Variants in SH3GL2 observed in about 807,000 individuals in gnomAD.
The protein encoded by SH3GL2 is SH3 domain containing GRB2 like 2, endophilin A1.
SH3GL2 carries 24 observed loss-of-function variants against 46.0 expected under a neutral mutation model. The ratio of observed to expected loss-of-function variants is 0.52; its 90% confidence interval spans 0.38 to 0.73. The LOEUF is 0.73. Ranked by LOEUF, SH3GL2 falls within the 30% of genes least tolerant of loss-of-function variation. SH3GL2 has a pLI of 0.00. For synonymous variants in SH3GL2, 196 were observed against 147.1 expected, an observed-to-expected ratio of 1.33 and a Z score of -2.40; for missense variants, 413 against 424.2, an observed-to-expected ratio of 0.97 and a Z score of 0.23.
intron 1 of SH3GL2, among the ~76,000 whole-genome samples, chr9:17,651,150 TA>T (rs1367467966): frequency 1.3e-5 from 2 of 152,208 alleles, no homozygotes; most frequent in Non-Finnish European, 2.9e-5. Flanking sequence ...TCTGGCAGGG[TA>T]AACTTTCAGC....
chr9:17,670,359 G>T (rs1199256034), intron 1 of SH3GL2, among the ~76,000 whole-genome samples: 1 of 152,192 alleles, frequency 6.6e-6, no homozygotes, highest in Non-Finnish European at 1.5e-5. Flanking sequence ...GTTCTGCGAA[G>T]GATGCTGTGC....
chr9:17,761,500 C>A lies in SH3GL2; in HGVS notation c.178C>A (p.Pro60Thr). 2 of 1,585,882 alleles carry A rather than the reference C, an allele frequency of 1.3e-6. No individual in the cohort carries two copies. Among genetic ancestry groups the A allele is most frequent in the Non-Finnish European group, 1.7e-6 (2 of 1,154,240 alleles). Reference protein sequence around the residue: ...IMTKTIEYLQPNPASRAKLSM... With the variant: ...IMTKTIEYLQTNPASRAKLSM... The stretch of plus-strand genomic sequence containing the variant: ...GACTAAAACAATTGAATACCTTCAA[C>A]CCAATCCAGGTAAGGCATCATCTTA... The change falls in exon 3 of 9, where the codon CCC becomes ACC. Residue 60 changes from proline to threonine, a missense_variant. Around this residue, in one of 3 missense-constraint regions of SH3GL2, gnomAD observed 160 missense variants for 192.3 expected, o/e 0.83. Transcript: ENST00000380607.
chr9:17,687,198 A>G (rs1037498214), intron 1 of SH3GL2, among the ~76,000 whole-genome samples: 8 of 152,134 alleles, frequency 5.3e-5, no homozygotes, highest in Non-Finnish European at 1.0e-4. Context: ...TTCATCATCT[A>G]GAACCATTTA....
At chr9:17,647,411 T>TTTTC (rs1554634450) in intron 1 of SH3GL2, among the ~76,000 whole-genome samples, 1 of 150,334 alleles carries the variant, frequency 6.7e-6, no homozygotes, top group African/African-American at 2.4e-5. Flanking sequence ...TCTTGTTAGT[T>TTTTC]TCTCTCTCTC....
At chr9:17,685,422 T>C (rs1197629747) in intron 1 of SH3GL2, among the ~76,000 whole-genome samples, 5 of 152,084 alleles carry the variant, frequency 3.3e-5, no homozygotes, top group African/African-American at 1.2e-4. Flanking sequence ...TTTAAGCATA[T>C]CTACAAAATA....
chr9:17,653,932 A>G, intron 1 of SH3GL2: 1 of 780,278 alleles, frequency 1.3e-6, no homozygotes, highest in Non-Finnish European at 1.6e-6. Context: ...ATCTGTAACA[A>G]AAGAAATGAC....
intron 2 of SH3GL2, chr9:17,755,948 C>G (rs562817052): frequency 3.5e-4 from 59 of 170,426 alleles, no homozygotes; most frequent in African/African-American, 1.3e-3. Context: ...TCAGTATCAT[C>G]TATAGATTCA....
chr9:17,601,876 A>G (rs16935793), intron 1 of SH3GL2, among the ~76,000 whole-genome samples: 9,315 of 152,186 alleles, frequency 0.061, 907 homozygotes, highest in African/African-American at 0.21. Context: ...ATGCTGCCAA[A>G]TAGGTAAAAG....
At chr9:17,676,062 A>C (rs1257559241) in intron 1 of SH3GL2, among the ~76,000 whole-genome samples, 1 of 152,134 alleles carries the variant, frequency 6.6e-6, no homozygotes, top group Non-Finnish European at 1.5e-5. Context: ...GGGGCTGGAG[A>C]GTGAGAGAAA....
At chr9:17,724,775 TCTCA>T (rs532966499) in intron 1 of SH3GL2, among the ~76,000 whole-genome samples, 2 of 152,176 alleles carry the variant, frequency 1.3e-5, no homozygotes, top group Admixed American at 6.5e-5. Context: ...AGAATATTTT[TCTCA>T]CTCTGTGTGG....
chr9:17,677,195 C>G (rs933412290), intron 1 of SH3GL2, among the ~76,000 whole-genome samples: 2 of 152,118 alleles, frequency 1.3e-5, no homozygotes, highest in Admixed American at 6.5e-5. Context: ...TGAAAAGATA[C>G]AGCTGTACCC....
intron 1 of SH3GL2, among the ~76,000 whole-genome samples, chr9:17,619,268 G>A (rs1819076810): frequency 6.6e-6 from 1 of 152,164 alleles, no homozygotes; most frequent in East Asian, 1.9e-4. Flanking sequence ...GTACATGGAT[G>A]TATTTCCTTA....
intron 1 of SH3GL2, among the ~76,000 whole-genome samples, chr9:17,733,278 ATTTTT>A (rs1356770798): frequency 6.6e-6 from 1 of 150,906 alleles, no homozygotes; most frequent in Non-Finnish European, 1.5e-5. Context: ...TATTTTTTTC[ATTTTT>A]TTATTATTAT....
At chr9:17,651,961 C>T (rs1417252990) in intron 1 of SH3GL2, among the ~76,000 whole-genome samples, 2 of 152,200 alleles carry the variant, frequency 1.3e-5, no homozygotes, top group East Asian at 3.9e-4. Context: ...GTCAGTCCTG[C>T]CTGAGACTCT....
At chr9:17,698,955 G>A (rs1422170314) in intron 1 of SH3GL2, among the ~76,000 whole-genome samples, 4 of 151,980 alleles carry the variant, frequency 2.6e-5, no homozygotes, top group Non-Finnish European at 5.9e-5. Context: ...AGGAGACTGA[G>A]ACCATCCTGG....
At chr9:17,721,029 G>C (rs1821882444) in intron 1 of SH3GL2, among the ~76,000 whole-genome samples, 1 of 152,106 alleles carries the variant, frequency 6.6e-6, no homozygotes, top group Admixed American at 6.6e-5. Context: ...AACGAGGTCA[G>C]TGTTTCAGGC....
intron 1 of SH3GL2, among the ~76,000 whole-genome samples, chr9:17,721,915 A>C (rs1588273145): frequency 6.6e-6 from 1 of 152,058 alleles, no homozygotes; most frequent in East Asian, 1.9e-4. Context: ...GGACAATGAG[A>C]TGGGGGTTAG....
At chr9:17,778,516 C>G (rs1476509846) in intron 3 of SH3GL2, among the ~76,000 whole-genome samples, 3 of 152,052 alleles carry the variant, frequency 2.0e-5, no homozygotes, top group Admixed American at 2.0e-4. Context: ...CAGATAGGAC[C>G]TTGTCACCAT....
At chr9:17,657,174 T>A (rs182497029) in intron 1 of SH3GL2, among the ~76,000 whole-genome samples, 27 of 152,336 alleles carry the variant, frequency 1.8e-4, no homozygotes, top group Admixed American at 1.8e-3. Flanking sequence ...TTGTGCCTGC[T>A]AGTTAGTTGC....
Sources: allele counts gnomAD v4.1 joint callset (sites outside exome capture counted in the v4.1 genomes callset), GRCh38; gene constraint gnomAD v4.1.1; regional missense constraint gnomAD v4.1.1; transcripts MANE v1.5; gene names NCBI Gene and HGNC (gene_info 2026-07-23, HGNC 2026-07-21).